SOS1: variants seen among roughly 807,000 people sequenced by gnomAD.
The protein encoded by SOS1 is SOS Ras/Rac guanine nucleotide exchange factor 1, also known as son of sevenless homolog 1.
SOS1 carries 25 observed loss-of-function variants against 157.6 expected under a neutral mutation model. That is an observed-to-expected ratio of 0.16 (90% CI 0.12 to 0.22). The LOEUF is 0.22. Among genes scored for constraint, SOS1 ranks in the 10% least tolerant of loss-of-function variants. The pLI, the probability that SOS1 is intolerant of heterozygous loss-of-function variation, is 1.00. For synonymous variants in SOS1, 528 were observed against 534.0 expected, an observed-to-expected ratio of 0.99 and a Z score of 0.16; for missense variants, 1,237 against 1,599.1, an observed-to-expected ratio of 0.77 and a Z score of 3.86.
chr2:39,042,472 C>T (rs908132381), intron 6 of SOS1, among the ~76,000 whole-genome samples: 1 of 152,006 alleles, frequency 6.6e-6, no homozygotes, highest in Middle Eastern at 3.2e-3. Flanking sequence ...GGCACAATCT[C>T]GGCTCACTGC....
intron 1 of SOS1, among the ~76,000 whole-genome samples, chr2:39,107,324 C>T (rs1157760413): frequency 1.3e-5 from 2 of 152,172 alleles, no homozygotes; most frequent in Non-Finnish European, 2.9e-5. Flanking sequence ...TCCTCCCAGT[C>T]ACTGACTGAG....
chr2:38,987,494 TG>T lies in SOS1; in HGVS notation c.3488del (p.Pro1163GlnfsTer58). On this transcript the variant is annotated frameshift_variant, in exon 22 of 23. Coordinates refer to ENST00000402219, the MANE Select transcript of SOS1 (RefSeq NM_005633.4). LOFTEE classifies it high-confidence loss of function. ...VPPRRRPESA[P>X]AESSPSKIMS... ...TTACCTTAGATGGTGAAGATTCTGC[TG>T]GGGCAGATTCTGGTCGTCTTCGTGG... is the stretch of plus-strand genomic sequence containing the variant. 2 of 1,581,614 alleles carry T rather than the reference TG, an allele frequency of 1.3e-6. No individual in the cohort carries two copies. Among genetic ancestry groups the T allele is most frequent in the Non-Finnish European group, 1.7e-6 (2 of 1,152,776 alleles).
At chr2:39,082,104 C>G (rs1432728247) in intron 1 of SOS1, among the ~76,000 whole-genome samples, 2 of 152,126 alleles carry the variant, frequency 1.3e-5, no homozygotes, top group Admixed American at 6.5e-5. Context: ...TAAATTATTA[C>G]TGACTAGTCA....
intron 1 of SOS1, among the ~76,000 whole-genome samples, chr2:39,108,387 A>T (rs1483414569): frequency 1.3e-5 from 2 of 152,176 alleles, no homozygotes; most frequent in East Asian, 3.8e-4. Context: ...TGCTGACAAG[A>T]TAAAATGCAA....
chr2:39,120,378 G>A lies in SOS1; in HGVS notation c.45C>T (p.Asn15=), dbSNP rs765652390. The A allele has an allele frequency of 1.2e-6, 2 of 1,602,112 alleles. No individual in the cohort carries two copies. Among genetic ancestry groups the A allele is most frequent in the South Asian group, 1.1e-5 (1 of 89,740 alleles). ...QLPYEFFSEE[N]APKWRGLLVP... is the part of the protein sequence containing the mutation. ...CCAGTAGTCCCCGCCACTTGGGCGC[G>A]TTCTCTTCGCTGAAAAACTCGTAGG... The change falls in exon 1 of 23, where the codon AAC becomes AAT. Residue 15 remains asparagine (N), a synonymous_variant. Transcript: ENST00000402219.
At chr2:39,006,570 C>G in intron 16 of SOS1, 41 bp from the exon 17 acceptor site, 2 of 1,005,496 alleles carry the variant, frequency 2.0e-6, no homozygotes, top group East Asian at 2.4e-5. Context: ...CAAAAGGAAT[C>G]AAAGGTCTTG....
At position 39,045,253 on chromosome 2, in the gene SOS1, A is replaced by AGGGAGG. The variant is rs1349175910; in HGVS notation, c.864+5890_864+5891insCCTCCC. Among the ~76,000 whole-genome samples the AGGGAGG allele has an allele frequency of 7.8e-4, 95 of 121,148 alleles. 1 individual carries two copies. The highest frequency in any genetic ancestry group is 2.3e-3 in the South Asian group (8 of 3,448). The allele number at this position is 121,148 out of a possible 152,430, so 79.5% of individuals were successfully genotyped here. Reference sequence around the variant, plus strand: ...GAATGAGAGAGAGAGGGAGAGAGAGAGAGAGAGAGAGAGAGAGAGAGTGTG... The same window carrying AGGGAGG: ...GAATGAGAGAGAGAGGGAGAGAGAGAGGGAGGGAGAGAGAGAGAGAGAGAGAGTGTG... On this transcript the variant is annotated intron_variant, in intron 6 of 22. Transcript: ENST00000402219.
rs76524333 is a variant in SOS1 at position 39,107,579 on chromosome 2, C to T, written c.87+12757G>A. ...TTTCACCTAACAAATTTCTTATGTG[C>T]TTAATCCCATCTTGGCATCTGCTTC... is the stretch of plus-strand genomic sequence containing the variant. On this transcript the variant is annotated intron_variant, in intron 1 of 22. Coordinates refer to ENST00000402219, the MANE Select transcript of SOS1 (RefSeq NM_005633.4). Among the ~76,000 whole-genome samples, 769 of 150,508 alleles carry T rather than the reference C, an allele frequency of 5.1e-3. 13 individuals are homozygous for T. The highest frequency in any genetic ancestry group is 0.018 in the African/African-American group (735 of 40,808).
intron 5 of SOS1, among the ~76,000 whole-genome samples, chr2:39,052,357 C>T (rs1156925324): frequency 6.6e-6 from 1 of 152,058 alleles, no homozygotes. Flanking sequence ...TTTAAATGTT[C>T]TTTTGGTGAG....
chr2:39,036,963 G>A (rs760160682), intron 6 of SOS1, among the ~76,000 whole-genome samples: 56 of 152,132 alleles, frequency 3.7e-4, no homozygotes, highest in Non-Finnish European at 5.9e-4. Flanking sequence ...GAGCCACTGC[G>A]CCTGGCCTCA....
chr2:39,105,155 C>A (rs574460818), intron 1 of SOS1, among the ~76,000 whole-genome samples: 6 of 152,210 alleles, frequency 3.9e-5, no homozygotes, highest in Admixed American at 2.6e-4. Context: ...GAGCCGTACA[C>A]AGAAAATAAT....
At chr2:39,044,183 CCT>C (rs1384659696) in intron 6 of SOS1, among the ~76,000 whole-genome samples, 1 of 152,070 alleles carries the variant, frequency 6.6e-6, no homozygotes, top group African/African-American at 2.4e-5. Flanking sequence ...ATGGCAAAAC[CCT>C]GTCTCTACTA....
chr2:38,989,523 T>G (rs766316606), intron 20 of SOS1, among the ~76,000 whole-genome samples: 1 of 147,588 alleles, frequency 6.8e-6, no homozygotes, highest in Non-Finnish European at 1.5e-5. Context: ...TTAGCTTTAC[T>G]TGATTTCATA....
rs576761004 is a variant in SOS1 at position 39,075,382 on chromosome 2, T to C, written c.88-7629A>G. On this transcript the variant is annotated intron_variant, in intron 1 of 22. Transcript: ENST00000402219. ...AGTTTGACATATGAATTTAAGGTTC[T>C]TGTATTACATCTAGGGAAACAAACC... Among the ~76,000 whole-genome samples, 4 of 152,346 alleles carry C rather than the reference T, an allele frequency of 2.6e-5. No homozygotes were observed. In the East Asian group the frequency reaches 7.7e-4, roughly 29 times the overall value.
chr2:38,987,850 T>A, intron 21 of SOS1: 1 of 407,328 alleles, frequency 2.5e-6, no homozygotes, highest in South Asian at 2.6e-5. Flanking sequence ...AACATTCCCA[T>A]GGTTACTCTA....
intron 14 of SOS1, among the ~76,000 whole-genome samples, 196 bp from the exon 15 acceptor site, chr2:39,010,899 T>TTC (rs1669445152): frequency 2.5e-4 from 1 of 4,000 alleles, no homozygotes; most frequent in African/African-American, 1.7e-3. Flanking sequence ...TTTTAAACTT[T>TTC]TTTTTTTTTT....
At chr2:39,078,684 T>C (rs565843895) in intron 1 of SOS1, among the ~76,000 whole-genome samples, 65 of 152,224 alleles carry the variant, frequency 4.3e-4, no homozygotes, top group African/African-American at 1.5e-3. Context: ...TGCCTGGTGA[T>C]CTGAGGTGAA....
At chr2:39,010,841 C>A in intron 14 of SOS1, 138 bp from the exon 15 acceptor site, 2 of 649,138 alleles carry the variant, frequency 3.1e-6, no homozygotes, top group South Asian at 1.8e-5. Flanking sequence ...TCTGTGAAAA[C>A]AAGGTATAAC....
chr2:39,074,873 GAAAA>G (rs200642538), intron 1 of SOS1, among the ~76,000 whole-genome samples: 1 of 109,054 alleles, frequency 9.2e-6, no homozygotes, highest in African/African-American at 3.4e-5. Flanking sequence ...GCCTCAACAG[GAAAA>G]AAAAAAAAAA....
Sources: gnomAD v4.1 joint callset for allele counts (sites outside exome capture counted in the v4.1 genomes callset) on GRCh38, gnomAD v4.1.1 for gene constraint, MANE v1.5 for transcripts, NCBI Gene and HGNC (gene_info 2026-07-23, HGNC 2026-07-21) for gene names.